Variants in SOAT1 observed in about 807,000 individuals in gnomAD.
SOAT1 encodes acyl-coenzyme A:cholesterol acyltransferase 1.
SOAT1 carries 55 observed loss-of-function variants against 69.5 expected under a neutral mutation model. The observed-to-expected ratio is 0.79, with a 90% CI of 0.64 to 0.99. The LOEUF is 0.99. SOAT1 is among the 50% of genes least tolerant of loss of function. The pLI is 0.00. For missense variants in SOAT1, 580 were observed against 669.3 expected, an observed-to-expected ratio of 0.87 and a Z score of 1.47; for synonymous variants, 231 against 224.7, an observed-to-expected ratio of 1.03 and a Z score of -0.25.
intron 2 of SOAT1, among the ~76,000 whole-genome samples, chr1:179,310,884 G>A (rs1665197517): frequency 1.3e-5 from 2 of 152,202 alleles, no homozygotes; most frequent in South Asian, 4.1e-4. Context: ...TTGGTTATTA[G>A]TCACTGCTTA....
At chr1:179,352,340 T>G (rs182915365) in intron 15 of SOAT1, among the ~76,000 whole-genome samples, 1 of 152,222 alleles carries the variant, frequency 6.6e-6, no homozygotes, top group African/African-American at 2.4e-5. Context: ...TTAATTGATG[T>G]GATCTGGTTA....
At chr1:179,306,502 G>A (rs967490332) in intron 2 of SOAT1, among the ~76,000 whole-genome samples, 6 of 152,094 alleles carry the variant, frequency 3.9e-5, no homozygotes, top group African/African-American at 1.4e-4. Context: ...ACACACTGAA[G>A]GTATTTGTTA....
In SOAT1 at chr1:179,343,582, T is replaced by C. The variant is rs199681323; in HGVS notation, c.942-8T>C. 1.9e-6 allele frequency: 3 copies of C among 1,606,664 alleles called. No homozygotes were observed. The South Asian group carries it at 3.3e-5, about 18-fold the overall frequency. ...TAGAAACCTTATTTTTGTTTCTTTC[T>C]TTTTCAGGAATCCCACTGTAAGATG... On this transcript the variant is annotated splice_polypyrimidine_tract_variant and splice_region_variant and intron_variant, in intron 9 of 15. Coordinates refer to ENST00000367619, the MANE Select transcript of SOAT1 (RefSeq NM_003101.6).
At position 179,335,453 on chromosome 1, in the gene SOAT1, G is replaced by T; in HGVS notation, c.178-53G>T. 4 of 1,486,204 alleles carry T rather than the reference G, an allele frequency of 2.7e-6. No homozygotes were observed. In the South Asian group the frequency reaches 3.7e-5, roughly 14 times the overall value. The allele number at this position is 1,486,204 out of a possible 1,614,324, so 92.1% of individuals were successfully genotyped here. Reference sequence around the variant, plus strand: ...GGGAGCCCTTTAGAGAAATGCTAATGACTCACAAGCATGTATTAGTTCCCC... The same window carrying T: ...GGGAGCCCTTTAGAGAAATGCTAATTACTCACAAGCATGTATTAGTTCCCC... On this transcript the variant is annotated intron_variant, in intron 3 of 15. Transcript: ENST00000367619.
intron 3 of SOAT1, among the ~76,000 whole-genome samples, chr1:179,328,665 G>A (rs1199738075): frequency 1.3e-5 from 2 of 152,092 alleles, no homozygotes; most frequent in Admixed American, 1.3e-4. Flanking sequence ...TTTTATTAAT[G>A]TACACAACTT....
intron 2 of SOAT1, among the ~76,000 whole-genome samples, chr1:179,303,821 C>T (rs1015085433): frequency 6.6e-6 from 1 of 152,162 alleles, no homozygotes; most frequent in African/African-American, 2.4e-5. Context: ...GATTTAGGGA[C>T]TTAGTGATAA....
At chr1:179,319,988 A>G (rs6425532) in intron 2 of SOAT1, among the ~76,000 whole-genome samples, 40,690 of 151,046 alleles carry the variant, frequency 0.27, 5,618 homozygotes, top group East Asian at 0.46. Context: ...TCAGATTTGC[A>G]AATTTTTTTT....
rs774077684 is a variant in SOAT1, at chr1:179,341,536, C to CT, written c.780+242dup. ...ATTTTGATAAATAAATTACGTTGAA[C>CT]TTTTTTTTTTTTTTTTGAGACAGAG... On this transcript the variant is annotated intron_variant, in intron 7 of 15. Coordinates refer to ENST00000367619, the MANE Select transcript of SOAT1 (RefSeq NM_003101.6). Among the ~76,000 whole-genome samples the CT allele has an allele frequency of 1.6e-3, 220 of 138,934 alleles. 2 individuals carry two copies. Among genetic ancestry groups the CT allele is most frequent in the Middle Eastern group, 3.7e-3 (1 of 270 alleles). 91.1% of individuals were successfully genotyped at this position (138,934 alleles called of 152,430 possible). A position where few individuals can be genotyped will look rare whatever the true frequency, so the allele number is the denominator to read the frequency against.
chr1:179,312,023 T>C (rs778185240), intron 2 of SOAT1, among the ~76,000 whole-genome samples: 1 of 152,156 alleles, frequency 6.6e-6, no homozygotes, highest in Non-Finnish European at 1.5e-5. Flanking sequence ...TTAAGAAACA[T>C]AGAAGACATT....
intron 1 of SOAT1, among the ~76,000 whole-genome samples, chr1:179,302,023 TC>T (rs1351890258): frequency 7.7e-5 from 9 of 117,410 alleles, no homozygotes; most frequent in Non-Finnish European, 1.6e-4. Flanking sequence ...TACTATTTAA[TC>T]CTTTTTTTTT....
intron 3 of SOAT1, among the ~76,000 whole-genome samples, chr1:179,333,024 A>G (rs1198357521): frequency 6.6e-6 from 1 of 152,254 alleles, no homozygotes; most frequent in African/African-American, 2.4e-5. Context: ...GGAAATGAAC[A>G]TTAGGCATGT....
intron 3 of SOAT1, among the ~76,000 whole-genome samples, chr1:179,327,883 G>A (rs1453622228): frequency 1.3e-5 from 2 of 152,130 alleles, no homozygotes; most frequent in African/African-American, 2.4e-5. Flanking sequence ...AGGTCGCCTC[G>A]AGGTCTAACA....
chr1:179,341,942 A>G, intron 7 of SOAT1, 172 bp from the exon 8 acceptor site: 1 of 436,638 alleles, frequency 2.3e-6, no homozygotes, highest in Non-Finnish European at 3.0e-6. Flanking sequence ...TTGAAATGTC[A>G]GATTCATTGT....
chr1:179,344,187 CCCTT>C (rs774598075), intron 10 of SOAT1, among the ~76,000 whole-genome samples: 10 of 151,948 alleles, frequency 6.6e-5, no homozygotes, highest in Non-Finnish European at 1.3e-4. Context: ...ATTAATTTCC[CCCTT>C]CCTTCCTGTT....
intron 3 of SOAT1, among the ~76,000 whole-genome samples, chr1:179,327,416 G>A (rs1397243690): frequency 6.6e-6 from 1 of 152,064 alleles, no homozygotes; most frequent in Non-Finnish European, 1.5e-5. Flanking sequence ...AGCTCTAAAG[G>A]TTTACGTCAT....
At chr1:179,322,597 G>A (rs1290418602) in intron 2 of SOAT1, among the ~76,000 whole-genome samples, 3 of 152,148 alleles carry the variant, frequency 2.0e-5, no homozygotes, top group Non-Finnish European at 4.4e-5. Flanking sequence ...CTTCCAGGGA[G>A]GAATTGCACT....
intron 9 of SOAT1, 74 bp downstream of exon 9, chr1:179,343,017 G>A: frequency 8.8e-7 from 1 of 1,132,612 alleles, no homozygotes; most frequent in Non-Finnish European, 1.3e-6. Context: ...AGGTAAACAG[G>A]GGCCAGTTCA....
intron 2 of SOAT1, among the ~76,000 whole-genome samples, chr1:179,306,890 A>C (rs958904912): frequency 1.3e-5 from 2 of 152,094 alleles, no homozygotes; most frequent in Non-Finnish European, 2.9e-5. Flanking sequence ...TAGTGTGACA[A>C]GGCAGAGAGG....
rs1403258470 is a variant in SOAT1, at chr1:179,356,052, C to T, written c.*2411C>T. ...TTTTCTTGAAACCACCACCTATACT[C>T]TTTAAACAAATAAAAACTAAAATCT... is the stretch of plus-strand genomic sequence containing the variant. On this transcript the variant is annotated 3_prime_UTR_variant, in exon 16 of 16. Coordinates refer to ENST00000367619, the MANE Select transcript of SOAT1 (RefSeq NM_003101.6). 6.6e-6 allele frequency: 1 copy of T among 152,206 alleles called. No individual in the cohort carries two copies. The highest frequency in any genetic ancestry group is 2.4e-5 in the African/African-American group (1 of 41,456). The allele number at this position is 152,206 out of a possible 1,614,324, so 9.4% of individuals were successfully genotyped here.
Sources: gnomAD v4.1 joint callset for allele counts (sites outside exome capture counted in the v4.1 genomes callset) on GRCh38, gnomAD v4.1.1 for gene constraint, MANE v1.5 for transcripts, NCBI Gene and HGNC (gene_info 2026-07-23, HGNC 2026-07-21) for gene names.